The following RAB30 variants were observed in gnomAD, a reference collection of about 807,000 sequenced individuals.
The protein encoded by RAB30 is ras-related protein Rab-30.
A neutral mutation model predicts 25.1 loss-of-function variants in RAB30; 9 were observed. The observed-to-expected ratio is 0.36, with a 90% CI of 0.22 to 0.63. The LOEUF is 0.63. RAB30 is among the 20% of genes least tolerant of loss of function. The probability of loss-of-function intolerance (pLI) is 0.69; values close to 1 mark genes in which losing one functional copy is unlikely to be tolerated. For synonymous variants in RAB30, 77 were observed against 86.4 expected (o/e 0.89, Z 0.60); for missense variants, 140 against 243.5 (o/e 0.58, Z 2.83).
chr11:83,017,863 A>G lies in RAB30; in HGVS notation c.-8-20539T>C, dbSNP rs535989398. Among the ~76,000 whole-genome samples, 87 of 152,366 alleles carry G rather than the reference A, an allele frequency of 5.7e-4. 2 individuals carry two copies. The highest frequency in any genetic ancestry group is 2.0e-3 in the African/African-American group (84 of 41,584). On this transcript the variant is annotated intron_variant, in intron 1 of 4. Transcript: ENST00000527633. ...ATGTGTGTGCAAGTGTCTTTTTCAT[A>G]TAATGACTTACTTTCCTCTGGGTAG...
At chr11:83,018,133 T>C (rs1343100443) in intron 1 of RAB30, among the ~76,000 whole-genome samples, 1 of 151,996 alleles carries the variant, frequency 6.6e-6, no homozygotes, top group East Asian at 1.9e-4. Context: ...ACCCTGTCTG[T>C]ACTAAAAATA....
chr11:83,001,411 C>T (rs918194760), intron 1 of RAB30, among the ~76,000 whole-genome samples: 2 of 152,100 alleles, frequency 1.3e-5, no homozygotes, highest in Non-Finnish European at 2.9e-5. Context: ...AACTCCTGGC[C>T]TCAATCAGTC....
chr11:83,032,951 G>A (rs1029101635), intron 1 of RAB30, among the ~76,000 whole-genome samples: 1 of 151,072 alleles, frequency 6.6e-6, no homozygotes, highest in Admixed American at 6.6e-5. Context: ...TGAAATACCC[G>A]ACATCTTAAG....
rs189981452 is a variant in RAB30 at position 82,994,626 on chromosome 11, T to C, written c.94-504A>G. Among the ~76,000 whole-genome samples, 7 of 152,188 alleles carry C rather than the reference T, an allele frequency of 4.6e-5. No individual in the cohort carries two copies. In the Middle Eastern group the frequency reaches 0.01, roughly 222 times the overall value. Reference sequence around the variant, plus strand: ...ATGGGCAACAATATGAAAAAACAAATAAGAACTCAGCATGAGAAGCGGGAA... The same window carrying C: ...ATGGGCAACAATATGAAAAAACAAACAAGAACTCAGCATGAGAAGCGGGAA... On this transcript the variant is annotated intron_variant, in intron 2 of 4. Coordinates refer to ENST00000527633, the MANE Select transcript of RAB30 (RefSeq NM_001286060.2).
intron 1 of RAB30, among the ~76,000 whole-genome samples, chr11:83,016,811 C>T (rs946852529): frequency 6.6e-6 from 1 of 152,186 alleles, no homozygotes; most frequent in African/African-American, 2.4e-5. Flanking sequence ...AAACACACAC[C>T]CCCTTCTCAC....
At chr11:83,046,411 G>A (rs954152447) in intron 1 of RAB30, among the ~76,000 whole-genome samples, 3 of 152,090 alleles carry the variant, frequency 2.0e-5, no homozygotes, top group Non-Finnish European at 2.9e-5. Context: ...AAAATGAAGG[G>A]AATCTATTAG....
intron 1 of RAB30, among the ~76,000 whole-genome samples, chr11:83,006,036 T>C (rs188332598): frequency 2.0e-5 from 3 of 152,256 alleles, no homozygotes; most frequent in African/African-American, 4.8e-5. Flanking sequence ...TAACTATATG[T>C]AGTTATAATA....
intron 1 of RAB30, among the ~76,000 whole-genome samples, chr11:83,041,792 C>A (rs1858122948): frequency 6.6e-6 from 1 of 151,866 alleles, no homozygotes; most frequent in Non-Finnish European, 1.5e-5. Context: ...ATAATCCCAG[C>A]ACTTTAGGAG....
At chr11:83,025,904 C>T (rs182910944) in intron 1 of RAB30, among the ~76,000 whole-genome samples, 1 of 152,138 alleles carries the variant, frequency 6.6e-6, no homozygotes, top group African/African-American at 2.4e-5. Context: ...GATATAGATA[C>T]AAGGCCAGGC....
At position 82,976,564 on chromosome 11, in the gene RAB30, A is replaced by T. The variant is rs1856549736; in HGVS notation, c.*5601T>A. On this transcript the variant is annotated 3_prime_UTR_variant, in exon 5 of 5. Coordinates refer to ENST00000527633, the MANE Select transcript of RAB30 (RefSeq NM_001286060.2). ...AGCATCTCCAAAAATTCTGCTTTAA[A>T]TCAATGGAAAAGTAAAATTTTGGCT... 6.6e-6 allele frequency: 1 copy of T among 152,214 alleles called. No individual in the cohort carries two copies. Among genetic ancestry groups the T allele is most frequent in the East Asian group, 1.9e-4 (1 of 5,206 alleles). 9.4% of individuals were successfully genotyped at this position (152,214 alleles called of 1,614,324 possible). A position where few individuals can be genotyped will look rare whatever the true frequency, so the allele number is the denominator to read the frequency against.
intron 1 of RAB30, among the ~76,000 whole-genome samples, chr11:83,002,409 G>A (rs1857105402): frequency 6.6e-6 from 1 of 152,108 alleles, no homozygotes; most frequent in Admixed American, 6.5e-5. Flanking sequence ...CAGGCATAGG[G>A]AATATAAACA....
intron 1 of RAB30, among the ~76,000 whole-genome samples, chr11:83,067,523 T>C (rs902850911): frequency 6.6e-6 from 1 of 152,178 alleles, no homozygotes; most frequent in African/African-American, 2.4e-5. Context: ...AAACTCAGCA[T>C]GTCCAAAGGT....
At chr11:83,051,214 G>C (rs1393415654) in intron 1 of RAB30, among the ~76,000 whole-genome samples, 1 of 152,172 alleles carries the variant, frequency 6.6e-6, no homozygotes, top group East Asian at 1.9e-4. Context: ...GGAGTCACAA[G>C]ATGGAAGGAG....
intron 4 of RAB30, among the ~76,000 whole-genome samples, chr11:82,985,208 AC>A (rs201872239): frequency 0.016 from 2,502 of 151,954 alleles, 48 homozygotes; most frequent in East Asian, 0.074. Context: ...CAAGTGATCC[AC>A]CCGCCTCAGC....
In RAB30 at chr11:82,982,212, C is replaced by T; in HGVS notation, c.565G>A (p.Gly189Arg). The change falls in exon 5 of 5, where the codon GGA becomes AGA. Residue 189 changes from glycine (G) to arginine (R), a missense_variant. Gly to Arg is a moderately radical substitution (Grantham distance 125, BLOSUM62 -2). Coordinates refer to ENST00000527633, the MANE Select transcript of RAB30 (RefSeq NM_001286060.2). Reference sequence around the variant, plus strand: ...AAATAGCTGATGCTTTTCCCTTCTCCAGGTAAGGGTGAGGATACATTGTTC... The same window carrying T: ...AAATAGCTGATGCTTTTCCCTTCTCTAGGTAAGGGTGAGGATACATTGTTC... ...LVNNVSSPLP[G>R]EGKSISYLTC... is the part of the protein sequence containing the mutation. The T allele has an allele frequency of 1.2e-6, 2 of 1,614,194 alleles. No homozygotes were observed. Among genetic ancestry groups the T allele is most frequent in the Non-Finnish European group, 1.7e-6 (2 of 1,180,026 alleles).
At chr11:82,998,310 TA>T (rs1857003182) in intron 1 of RAB30, among the ~76,000 whole-genome samples, 1 of 152,174 alleles carries the variant, frequency 6.6e-6, no homozygotes, top group African/African-American at 2.4e-5. Flanking sequence ...AGACTGTGAC[TA>T]AAAGGGCATA....
At chr11:83,005,409 G>A (rs971466504) in intron 1 of RAB30, among the ~76,000 whole-genome samples, 1 of 152,122 alleles carries the variant, frequency 6.6e-6, no homozygotes, top group African/African-American at 2.4e-5. Flanking sequence ...AATCTTTTCA[G>A]TAGGCCATCA....
rs1307424481 is a variant in RAB30, at chr11:82,978,383, C to T, written c.*3782G>A. ...CTAAATGACAGGTAATAAATCTAAACTTAGGAACATTTCCTCACAGTTCAA... is the reference window on the plus strand; with the variant it reads ...CTAAATGACAGGTAATAAATCTAAATTTAGGAACATTTCCTCACAGTTCAA... On this transcript the variant is annotated 3_prime_UTR_variant, in exon 5 of 5. Coordinates refer to ENST00000527633, the MANE Select transcript of RAB30 (RefSeq NM_001286060.2). 5 of 151,280 alleles carry T rather than the reference C, an allele frequency of 3.3e-5. No homozygotes were observed. Among genetic ancestry groups the T allele is most frequent in the Non-Finnish European group, 7.4e-5 (5 of 67,870 alleles). 9.4% of individuals were successfully genotyped at this position (151,280 alleles called of 1,614,324 possible).
chr11:83,053,610 T>C (rs896448934), intron 1 of RAB30, among the ~76,000 whole-genome samples: 1 of 136,576 alleles, frequency 7.3e-6, no homozygotes, highest in African/African-American at 3.2e-5. Flanking sequence ...CTATGCTTCC[T>C]AAATGCCTTC....
Sources: gnomAD v4.1 joint callset for allele counts (sites outside exome capture counted in the v4.1 genomes callset) on GRCh38, gnomAD v4.1.1 for gene constraint, MANE v1.5 for transcripts, NCBI Gene and HGNC (gene_info 2026-07-23, HGNC 2026-07-21) for gene names.